Variants in BRAF observed in about 807,000 individuals in gnomAD.
The protein encoded by BRAF is serine/threonine-protein kinase B-raf.
Under a neutral mutation model 104.6 loss-of-function variants are expected in BRAF, and 16 were observed. That is an observed-to-expected ratio of 0.15 (90% CI 0.10 to 0.23). The LOEUF is 0.23. Among genes scored for constraint, BRAF ranks in the 10% least tolerant of loss-of-function variants. BRAF has a pLI of 1.00. For missense variants in BRAF, 541 were observed against 937.3 expected, an observed-to-expected ratio of 0.58 and a Z score of 5.52; for synonymous variants, 310 against 341.6, an observed-to-expected ratio of 0.91 and a Z score of 1.02.
intron 1 of BRAF, among the ~76,000 whole-genome samples, chr7:140,857,698 A>G (rs1809955488): frequency 2.0e-5 from 3 of 152,144 alleles, no homozygotes; most frequent in African/African-American, 4.8e-5. Flanking sequence ...AAACCTATCT[A>G]TTATTATTCA....
In BRAF at chr7:140,850,013, C is replaced by T. The variant is rs566534850; in HGVS notation, c.240+98G>A. 2.1e-5 allele frequency: 19 copies of T among 887,980 alleles called. No individual in the cohort carries two copies. In the African/African-American group the frequency reaches 2.8e-4, roughly 13 times the overall value. The allele number at this position is 887,980 out of a possible 1,614,324, so 55.0% of individuals were successfully genotyped here. On this transcript the variant is annotated intron_variant, in intron 2 of 19. Transcript: ENST00000644969. ...CTCTCTTCCCAAATCTATTCCTAAT[C>T]CCACCTCCTAAAATAATCAAGATTA...
At chr7:140,788,969 G>C (rs1801667508) in intron 8 of BRAF, among the ~76,000 whole-genome samples, 1 of 151,880 alleles carries the variant, frequency 6.6e-6, no homozygotes, top group African/African-American at 2.4e-5. Context: ...CCAGCACTTT[G>C]GGAGGCTGAG....
chr7:140,755,173 G>T (rs7801086), intron 14 of BRAF, among the ~76,000 whole-genome samples: 45,341 of 152,030 alleles, frequency 0.3, 10,787 homozygotes, highest in African/African-American at 0.66. Flanking sequence ...ACCCAGTGCC[G>T]AGAACAGTGC....
At chr7:140,794,233 T>C in intron 8 of BRAF, 75 bp downstream of exon 8, 2 of 1,555,072 alleles carry the variant, frequency 1.3e-6, no homozygotes, top group Non-Finnish European at 1.8e-6. Flanking sequence ...ATTTCTGATC[T>C]AAGTTATAAT....
chr7:140,808,213 G>A (rs924810159), intron 4 of BRAF, 151 bp from the exon 5 acceptor site: 3 of 692,684 alleles, frequency 4.3e-6, no homozygotes, highest in South Asian at 1.5e-5. Flanking sequence ...AATTTAAATG[G>A]CAATAAATTA....
chr7:140,741,618 G>T (rs1469578792), intron 17 of BRAF: 2 of 152,010 alleles, frequency 1.3e-5, no homozygotes, highest in Non-Finnish European at 2.9e-5. Context: ...TGAGACTATG[G>T]GTGCTCAGGC....
intron 1 of BRAF, among the ~76,000 whole-genome samples, chr7:140,854,116 C>T (rs974043621): frequency 4.6e-5 from 7 of 152,116 alleles, no homozygotes; most frequent in Non-Finnish European, 8.8e-5. Flanking sequence ...ACTACAGGCA[C>T]GCAGCAGCAC....
At chr7:140,835,085 C>G (rs1807183333) in intron 2 of BRAF, 1 of 594,350 alleles carries the variant, frequency 1.7e-6, no homozygotes, top group South Asian at 2.1e-5. Flanking sequence ...CTATATTACA[C>G]CTGATAAATT....
rs1258131181 is a variant in BRAF at position 140,924,847 on chromosome 7, G to A, written c.-144C>T. On this transcript the variant is annotated 5_prime_UTR_variant, in exon 1 of 20. Transcript: ENST00000644969. The surrounding 1 kb of genome is among the most constrained non-coding windows in gnomAD (Gnocchi z 4.2). ...CGCGGGGAGGAGCGGCCCGGGCGGC[G>A]CCGCGGGCGGAGGGCGCCTGGGCCA... 3 of 296,026 alleles carry A rather than the reference G, an allele frequency of 1.0e-5. No individual in the cohort carries two copies. The highest frequency in any genetic ancestry group is 1.8e-5 in the Non-Finnish European group (3 of 164,940). The allele number at this position is 296,026 out of a possible 1,614,324, so 18.3% of individuals were successfully genotyped here.
intron 1 of BRAF, among the ~76,000 whole-genome samples, chr7:140,907,896 C>A (rs1485682639): frequency 6.6e-6 from 1 of 152,156 alleles, no homozygotes; most frequent in Non-Finnish European, 1.5e-5. Flanking sequence ...AGGTGCACCT[C>A]ACCACACGTG....
intron 3 of BRAF, among the ~76,000 whole-genome samples, chr7:140,823,180 T>G (rs1353054716): frequency 6.6e-6 from 1 of 152,178 alleles, no homozygotes; most frequent in African/African-American, 2.4e-5. Context: ...AAAATATATC[T>G]AACATAAAGC....
intron 17 of BRAF, among the ~76,000 whole-genome samples, chr7:140,743,532 G>A (rs1338656003): frequency 6.6e-6 from 1 of 152,052 alleles, no homozygotes; most frequent in Non-Finnish European, 1.5e-5. Context: ...ATGAGAACAC[G>A]TGGACACAGG....
chr7:140,866,910 T>C (rs1811025904), intron 1 of BRAF, among the ~76,000 whole-genome samples: 1 of 152,012 alleles, frequency 6.6e-6, no homozygotes, highest in Admixed American at 6.5e-5. Flanking sequence ...TTTAAGGATA[T>C]AATGTTATGA....
chr7:140,890,781 A>G (rs754996714), intron 1 of BRAF, among the ~76,000 whole-genome samples: 5 of 152,144 alleles, frequency 3.3e-5, no homozygotes, highest in Non-Finnish European at 7.4e-5. Flanking sequence ...AACCCAAATA[A>G]AACACTACTC....
chr7:140,801,714 G>A (rs1803135458), intron 5 of BRAF, among the ~76,000 whole-genome samples, 154 bp from the exon 6 acceptor site: 1 of 151,788 alleles, frequency 6.6e-6, no homozygotes, highest in South Asian at 2.1e-4. Context: ...GAAAACCGGG[G>A]GTTCAAGATA....
At chr7:140,756,302 T>A (rs1798200832) in intron 14 of BRAF, among the ~76,000 whole-genome samples, 1 of 152,186 alleles carries the variant, frequency 6.6e-6, no homozygotes, top group East Asian at 1.9e-4. Flanking sequence ...TCTCATTGAA[T>A]AATTCTCTTT....
chr7:140,875,527 G>A (rs773129297), intron 1 of BRAF, among the ~76,000 whole-genome samples: 15 of 152,092 alleles, frequency 9.9e-5, no homozygotes, highest in African/African-American at 1.4e-4. Flanking sequence ...AGGTGCCCGC[G>A]AACACGCCTG....
At chr7:140,798,559 CTTTTTTTTTT>C (rs1033928919) in intron 7 of BRAF, among the ~76,000 whole-genome samples, 2 of 125,344 alleles carry the variant, frequency 1.6e-5, no homozygotes, top group South Asian at 2.6e-4. Flanking sequence ...CGCGCCCGGC[CTTTTTTTTTT>C]TTTTTTTTTT....
intron 12 of BRAF, among the ~76,000 whole-genome samples, chr7:140,779,330 G>A (rs1167195173): frequency 6.6e-6 from 1 of 152,030 alleles, no homozygotes; most frequent in Non-Finnish European, 1.5e-5. Flanking sequence ...TTGAACTCCT[G>A]GGCTCAAGCC....
Sources: allele counts gnomAD v4.1 joint callset (sites outside exome capture counted in the v4.1 genomes callset), GRCh38; gene constraint gnomAD v4.1.1; non-coding constraint Gnocchi (gnomAD v3.1); transcripts MANE v1.5; gene names NCBI Gene and HGNC (gene_info 2026-07-23, HGNC 2026-07-21).